KCNG2: variants seen among roughly 807,000 people sequenced by gnomAD.
The protein encoded by KCNG2 is voltage-gated potassium channel regulatory subunit KCNG2.
Under a neutral mutation model 12.3 loss-of-function variants are expected in KCNG2, and 7 were observed. The ratio of observed to expected loss-of-function variants is 0.57; its 90% CI spans 0.32 to 1.07. The LOEUF (loss-of-function observed/expected upper bound fraction) is 1.07. Among genes scored for constraint, KCNG2 ranks in the 50% least tolerant of loss-of-function variants. The probability of loss-of-function intolerance (pLI) is 0.04; values close to 1 mark genes in which losing one functional copy is unlikely to be tolerated. For synonymous variants in KCNG2, 414 were observed against 351.4 expected (o/e 1.18, Z -1.99); for missense variants, 703 against 726.0 (o/e 0.97, Z 0.36).
intron 1 of KCNG2, among the ~76,000 whole-genome samples, chr18:79,831,914 C>T (rs528503351): frequency 1.3e-4 from 20 of 152,354 alleles, no homozygotes; most frequent in Admixed American, 7.8e-4. Context: ...CACTCACATC[C>T]CAGCTTGGGC....
At chr18:79,889,220 C>T (rs1980661318) in intron 3 of KCNG2, among the ~76,000 whole-genome samples, 1 of 152,282 alleles carries the variant, frequency 6.6e-6, no homozygotes, top group South Asian at 2.1e-4. Flanking sequence ...CTTGGCTAAT[C>T]CTTTGTCGTG....
At chr18:79,841,284 G>A (rs2123037358) in intron 1 of KCNG2, among the ~76,000 whole-genome samples, 1 of 152,140 alleles carries the variant, frequency 6.6e-6, no homozygotes, top group Admixed American at 6.5e-5. Flanking sequence ...GACAGAGCAA[G>A]ACCCTATCTC....
intron 1 of KCNG2, among the ~76,000 whole-genome samples, chr18:79,812,356 G>A (rs1356753486): frequency 6.6e-6 from 1 of 152,130 alleles, no homozygotes; most frequent in Admixed American, 6.5e-5. Flanking sequence ...TTAATAATAT[G>A]TTACAAAATT....
At chr18:79,875,386 T>C (rs1980028203) in intron 3 of KCNG2, among the ~76,000 whole-genome samples, 1 of 152,178 alleles carries the variant, frequency 6.6e-6, no homozygotes, top group Admixed American at 6.5e-5. Flanking sequence ...AGCACACATT[T>C]CCATCTGCCA....
rs559628007 is a variant in KCNG2 at position 79,800,745 on chromosome 18, C to T, written c.-115+2731C>T. Among the ~76,000 whole-genome samples the T allele has an allele frequency of 6.6e-6, 1 of 152,178 alleles. No homozygotes were observed. On this transcript the variant is annotated intron_variant, in intron 1 of 3. Transcript: ENST00000316249. This position sits in a 1 kb window ranked among gnomAD's most constrained non-coding sequence, Gnocchi z 4.0. ...GTGCCTATGGTTGCAGTCGGCCTGG[C>T]GTGTCCTGCGGGCACCCGCAGGCTC... is the stretch of plus-strand genomic sequence containing the variant.
intron 3 of KCNG2, among the ~76,000 whole-genome samples, chr18:79,890,454 T>G (rs1298935622): frequency 6.6e-6 from 1 of 152,196 alleles, no homozygotes; most frequent in South Asian, 2.1e-4. Context: ...ACAGCACGTT[T>G]CCAGCCTTTG....
rs878912164 is a variant in KCNG2 at position 79,822,152 on chromosome 18, A to G, written c.-115+24138A>G. Among the ~76,000 whole-genome samples, 1 of 152,118 alleles carries G rather than the reference A, an allele frequency of 6.6e-6. No homozygotes were observed. The highest frequency in any genetic ancestry group is 1.9e-4 in the East Asian group (1 of 5,176). ...TTTAAGCAGGAAATGTTAGATTTTT[A>G]AAAGCTTTTTATTTGAACGATTTTT... On this transcript the variant is annotated intron_variant, in intron 1 of 3. Coordinates refer to ENST00000316249, the MANE Select transcript of KCNG2 (RefSeq NM_012283.2). This position sits in a 1 kb window ranked among gnomAD's most constrained non-coding sequence, Gnocchi z 4.4.
intron 3 of KCNG2, among the ~76,000 whole-genome samples, chr18:79,864,745 G>A (rs1247083230): frequency 6.6e-6 from 1 of 152,142 alleles, no homozygotes; most frequent in Admixed American, 6.5e-5. Context: ...AAGGCTTCTG[G>A]CTATGGAACC....
At position 79,872,280 on chromosome 18, in the gene KCNG2, G is replaced by GT. The variant is rs1162742507; in HGVS notation, c.624+8012dup. On this transcript the variant is annotated intron_variant, in intron 3 of 3. Coordinates refer to ENST00000316249, the MANE Select transcript of KCNG2 (RefSeq NM_012283.2). ...CTGATATAAAAGCTTCAAAGCTTCAGTTTTTTTTTTTTTTTTTTTTTTTGA... is the reference window on the plus strand; with the variant it reads ...CTGATATAAAAGCTTCAAAGCTTCAGTTTTTTTTTTTTTTTTTTTTTTTTGA... Among the ~76,000 whole-genome samples the GT allele has an allele frequency of 7.7e-3, 562 of 73,392 alleles. 51 individuals carry two copies. Among genetic ancestry groups the GT allele is most frequent in the African/African-American group, 0.025 (472 of 19,058 alleles). 48.1% of individuals were successfully genotyped at this position (73,392 alleles called of 152,430 possible). A position where few individuals can be genotyped will look rare whatever the true frequency, so the allele number is the denominator to read the frequency against.
intron 3 of KCNG2, among the ~76,000 whole-genome samples, chr18:79,897,319 C>A (rs11081572): frequency 0.12 from 18,909 of 152,082 alleles, 1,526 homozygotes; most frequent in East Asian, 0.36. Flanking sequence ...TTTACTAATT[C>A]TTTTCTCTGC....
chr18:79,881,463 G>C (rs1980293937), intron 3 of KCNG2, among the ~76,000 whole-genome samples: 2 of 152,236 alleles, frequency 1.3e-5, no homozygotes, highest in African/African-American at 4.8e-5. Flanking sequence ...GTTGCTAGCA[G>C]TGAACTATTG....
At chr18:79,829,331 T>C (rs1978289828) in intron 1 of KCNG2, among the ~76,000 whole-genome samples, 1 of 152,012 alleles carries the variant, frequency 6.6e-6, no homozygotes, top group African/African-American at 2.4e-5. Context: ...TGTGTCTGTG[T>C]GTGTCTTGTG....
At chr18:79,897,934 T>C (rs1981036532) in intron 3 of KCNG2, among the ~76,000 whole-genome samples, 1 of 152,158 alleles carries the variant, frequency 6.6e-6, no homozygotes, top group African/African-American at 2.4e-5. Context: ...AGCTCTGTTA[T>C]TCCTTTACAA....
chr18:79,873,664 C>G (rs1334131485), intron 3 of KCNG2, among the ~76,000 whole-genome samples: 1 of 152,182 alleles, frequency 6.6e-6, no homozygotes, highest in Non-Finnish European at 1.5e-5. Context: ...CACCCCATGT[C>G]CTCAGTGTCT....
At chr18:79,896,595 CTTATTT>C (rs1217226780) in intron 3 of KCNG2, among the ~76,000 whole-genome samples, 1 of 152,184 alleles carries the variant, frequency 6.6e-6, no homozygotes, top group Non-Finnish European at 1.5e-5. Flanking sequence ...TTATATACAT[CTTATTT>C]TTATACAGTT....
chr18:79,804,792 A>G (rs1340768840), intron 1 of KCNG2, among the ~76,000 whole-genome samples: 1 of 152,240 alleles, frequency 6.6e-6, no homozygotes, highest in African/African-American at 2.4e-5. Context: ...CTCACATTCT[A>G]AAAGCAGTAC....
chr18:79,835,002 C>T (rs1978315963), intron 1 of KCNG2, among the ~76,000 whole-genome samples: 1 of 152,204 alleles, frequency 6.6e-6, no homozygotes, highest in Non-Finnish European at 1.5e-5. Context: ...GTCGGCCACC[C>T]ATATGGGGAG....
chr18:79,899,873 C>T lies in KCNG2; in HGVS notation c.*57C>T. The T allele has an allele frequency of 7.8e-7, 1 of 1,285,912 alleles. No individual in the cohort carries two copies. The highest frequency in any genetic ancestry group is 2.4e-5 in the South Asian group (1 of 42,428). The allele number at this position is 1,285,912 out of a possible 1,614,324, so 79.7% of individuals were successfully genotyped here. On this transcript the variant is annotated 3_prime_UTR_variant, in exon 4 of 4. Transcript: ENST00000316249. Reference sequence around the variant, plus strand: ...CCCCTCCAGCTGCAGCGTCGGGACCCCCGAGGTGCGCCAAGGGGTGGGGGG... The same window carrying T: ...CCCCTCCAGCTGCAGCGTCGGGACCTCCGAGGTGCGCCAAGGGGTGGGGGG...
At chr18:79,807,515 G>A (rs899417392) in intron 1 of KCNG2, among the ~76,000 whole-genome samples, 3 of 152,182 alleles carry the variant, frequency 2.0e-5, no homozygotes, top group East Asian at 1.9e-4. Context: ...CTCTGCGCTC[G>A]TGCATTCACT....
Sources: gnomAD v4.1 joint callset for allele counts (sites outside exome capture counted in the v4.1 genomes callset) on GRCh38, gnomAD v4.1.1 for gene constraint, Gnocchi (gnomAD v3.1) non-coding constraint, MANE v1.5 for transcripts, NCBI Gene and HGNC (gene_info 2026-07-23, HGNC 2026-07-21) for gene names.